Variants in SUCLA2 observed in about 807,000 individuals in gnomAD.
SUCLA2 encodes succinate--CoA ligase [ADP-forming] subunit beta, mitochondrial.
Under a neutral mutation model 54.8 loss-of-function variants are expected in SUCLA2, and 30 were observed. The ratio of observed to expected loss-of-function variants is 0.55; its 90% CI spans 0.41 to 0.74. The LOEUF (loss-of-function observed/expected upper bound fraction) is 0.74, where lower values mean the gene tolerates loss of function less well. SUCLA2 is among the 30% of genes least tolerant of loss of function. The pLI is 0.00. For missense variants in SUCLA2, 476 were observed against 562.9 expected, an observed-to-expected ratio of 0.85 and a Z score of 1.56; for synonymous variants, 172 against 188.9, an observed-to-expected ratio of 0.91 and a Z score of 0.74.
intron 10 of SUCLA2, 33 bp downstream of exon 10, chr13:47,948,907 T>C (rs747571493): frequency 5.6e-6 from 9 of 1,593,350 alleles, no homozygotes; most frequent in Non-Finnish European, 6.9e-6. Context: ...TCTGTGTTTA[T>C]AAATCCTCCT....
In SUCLA2 at chr13:47,973,196, G is replaced by A. The variant is rs1246409596; in HGVS notation, c.663+68C>T. On this transcript the variant is annotated intron_variant, in intron 5 of 10. Coordinates refer to ENST00000646932, the MANE Select transcript of SUCLA2 (RefSeq NM_003850.3). ...ATAAGTTTTGACAATTACTTCAGTTGTACGGTTATCTTTAAGTATCATAAT... is the reference window on the plus strand; with the variant it reads ...ATAAGTTTTGACAATTACTTCAGTTATACGGTTATCTTTAAGTATCATAAT... 3.7e-6 allele frequency: 5 copies of A among 1,356,526 alleles called. No homozygotes were observed. The Admixed American group carries it at 5.1e-5, about 14-fold the overall frequency. 84.0% of individuals were successfully genotyped at this position (1,356,526 alleles called of 1,614,324 possible). A position where few individuals can be genotyped will look rare whatever the true frequency, so the allele number is the denominator to read the frequency against.
At chr13:47,996,105 C>T (rs1484505706) in intron 2 of SUCLA2, among the ~76,000 whole-genome samples, 4 of 151,860 alleles carry the variant, frequency 2.6e-5, no homozygotes, top group East Asian at 1.9e-4. Flanking sequence ...GGGCAGATCA[C>T]GAGGTCAGGA....
chr13:47,960,929 A>G (rs1949865884), intron 6 of SUCLA2, among the ~76,000 whole-genome samples: 2 of 152,208 alleles, frequency 1.3e-5, no homozygotes, highest in African/African-American at 2.4e-5. Context: ...GTAAGACTGT[A>G]AAGGCCGATT....
chr13:47,955,187 C>T (rs1326655567), intron 6 of SUCLA2, among the ~76,000 whole-genome samples: 2 of 152,046 alleles, frequency 1.3e-5, no homozygotes, highest in African/African-American at 4.8e-5. Context: ...TGGCCAGATT[C>T]GGCCTGTGCT....
chr13:47,976,072 A>C (rs896126432), intron 4 of SUCLA2, among the ~76,000 whole-genome samples: 2 of 152,118 alleles, frequency 1.3e-5, no homozygotes, highest in African/African-American at 2.4e-5. Flanking sequence ...CATAGTGAGA[A>C]CCTGTCTCTA....
intron 8 of SUCLA2, among the ~76,000 whole-genome samples, chr13:47,950,009 G>C (rs1362070436): frequency 6.6e-6 from 1 of 152,212 alleles, no homozygotes; most frequent in East Asian, 1.9e-4. Flanking sequence ...TGTAGGAAAA[G>C]GGCGTGTTGT....
At chr13:47,961,525 AT>A (rs35206863) in intron 6 of SUCLA2, among the ~76,000 whole-genome samples, 110,787 of 151,880 alleles carry the variant, frequency 0.73, 41,360 homozygotes, top group Non-Finnish European at 0.82. Flanking sequence ...ACCTCAAACT[AT>A]TTTTTTTGGA....
rs761686478 is a variant in SUCLA2, at chr13:47,988,524, T to C, written c.534+17A>G. ...TCATAAATTTATCCCGTATGTATCA[T>C]GTCTACAATTACTCACTTGAAATGA... is the stretch of plus-strand genomic sequence containing the variant. On this transcript the variant is annotated intron_variant, in intron 4 of 10. Coordinates refer to ENST00000646932, the MANE Select transcript of SUCLA2 (RefSeq NM_003850.3). 2 of 1,613,016 alleles carry C rather than the reference T, an allele frequency of 1.2e-6. No homozygotes were observed. Among genetic ancestry groups the C allele is most frequent in the South Asian group, 1.1e-5 (1 of 91,028 alleles).
At chr13:48,000,852 C>A in intron 1 of SUCLA2, 3 of 1,167,726 alleles carry the variant, frequency 2.6e-6, no homozygotes, top group Non-Finnish European at 3.2e-6. Context: ...CCGTGCCAGA[C>A]GCCGGAATGG....
Position 47,954,265 on chromosome 13 carries a change from C to A in SUCLA2, c.982G>T (p.Ala328Ser). Reference protein sequence around the residue: ...IGCLVNGAGLAMATMDIIKLH... With the variant: ...IGCLVNGAGLSMATMDIIKLH... The stretch of plus-strand genomic sequence containing the variant: ...TTTATTATATCCATTGTGGCCATAG[C>A]CAAACCAGCACCATTTACTATATAG... The change falls in exon 8 of 11, where the codon GCT (alanine) becomes TCT (serine). Residue 328 changes from alanine to serine, a missense_variant. Around this residue, in one of 2 missense-constraint regions of SUCLA2, gnomAD observed 342 missense variants for 444.2 expected, o/e 0.77. Coordinates refer to ENST00000646932, the MANE Select transcript of SUCLA2 (RefSeq NM_003850.3). 2 of 1,613,804 alleles carry A rather than the reference C, an allele frequency of 1.2e-6. 1 individual carries two copies. The highest frequency in any genetic ancestry group is 2.2e-5 in the South Asian group (2 of 91,068).
intron 6 of SUCLA2, among the ~76,000 whole-genome samples, chr13:47,957,030 G>A (rs572979671): frequency 4.6e-5 from 7 of 152,232 alleles, no homozygotes; most frequent in African/African-American, 1.7e-4. Context: ...CCTTCCTCAG[G>A]AAGGGACCTT....
chr13:47,979,360 C>T (rs1950043261), intron 4 of SUCLA2, among the ~76,000 whole-genome samples: 1 of 152,116 alleles, frequency 6.6e-6, no homozygotes, highest in Admixed American at 6.6e-5. Context: ...AAGCTGGAAA[C>T]CATCATTCTC....
intron 8 of SUCLA2, among the ~76,000 whole-genome samples, chr13:47,950,984 C>T (rs1248828775): frequency 7.2e-5 from 11 of 152,156 alleles, no homozygotes; most frequent in South Asian, 2.1e-4. Flanking sequence ...TCATAACAGA[C>T]TAGAACTCAT....
intron 6 of SUCLA2, among the ~76,000 whole-genome samples, chr13:47,961,574 C>T (rs576298390): frequency 6.6e-6 from 1 of 152,136 alleles, no homozygotes; most frequent in African/African-American, 2.4e-5. Flanking sequence ...ATATATCAGG[C>T]TTATTAGGCT....
intron 4 of SUCLA2, among the ~76,000 whole-genome samples, chr13:47,979,485 C>CA (rs936884630): frequency 6.6e-6 from 1 of 151,212 alleles, no homozygotes; most frequent in Non-Finnish European, 1.5e-5. Context: ...CGGGGCCTGT[C>CA]GGGGGGTGGG....
At position 47,998,180 on chromosome 13, in the gene SUCLA2, G is replaced by A. The variant is rs561717624; in HGVS notation, c.91-1157C>T. ...TAATCCCAGCTACTCCTGAGACTGA[G>A]GCAGGAGGATCCCTTCAGCTCAGGA... is the stretch of plus-strand genomic sequence containing the variant. On this transcript the variant is annotated intron_variant, in intron 1 of 10. Transcript: ENST00000646932. 3.9e-5 allele frequency among the ~76,000 whole-genome samples: 6 copies of A among 152,030 alleles called. No homozygotes were observed. In the East Asian group the frequency reaches 1.2e-3, roughly 29 times the overall value.
chr13:47,983,136 A>G (rs1046401022), intron 4 of SUCLA2, among the ~76,000 whole-genome samples: 1 of 152,222 alleles, frequency 6.6e-6, no homozygotes, highest in Non-Finnish European at 1.5e-5. Flanking sequence ...AACTTTTTTA[A>G]ATAAAAGAAT....
At chr13:47,944,367 CA>C (rs1367196033) in intron 10 of SUCLA2, among the ~76,000 whole-genome samples, 1 of 152,134 alleles carries the variant, frequency 6.6e-6, no homozygotes, top group Admixed American at 6.5e-5. Context: ...TATAATCTCC[CA>C]GTCAATAAAA....
At position 47,968,872 on chromosome 13, in the gene SUCLA2, A is replaced by G. The variant is rs114389134; in HGVS notation, c.664-139T>C. 3.0e-6 allele frequency: 3 copies of G among 1,002,772 alleles called. No homozygotes were observed. In the African/African-American group the frequency reaches 4.9e-5, roughly 16 times the overall value. The allele number at this position is 1,002,772 out of a possible 1,614,324, so 62.1% of individuals were successfully genotyped here. ...GTCAAACATTACTGAAATAGCAGCT[A>G]CCATTACTAAATGGTTAAACAAAAC... On this transcript the variant is annotated intron_variant, in intron 5 of 10. Transcript: ENST00000646932.
Sources: allele counts gnomAD v4.1 joint callset (sites outside exome capture counted in the v4.1 genomes callset), GRCh38; gene constraint gnomAD v4.1.1; regional missense constraint gnomAD v4.1.1; transcripts MANE v1.5; gene names NCBI Gene and HGNC (gene_info 2026-07-23, HGNC 2026-07-21).